Variants in GDPD4 observed in about 807,000 individuals in gnomAD.
GDPD4 encodes glycerophosphodiester phosphodiesterase domain containing 4, also known as glycerophosphodiester phosphodiesterase 6.
Under a neutral mutation model 67.8 loss-of-function variants are expected in GDPD4, and 60 were observed. That is an observed-to-expected ratio of 0.88 (90% CI 0.72 to 1.10). The LOEUF is 1.10. GDPD4 is among the 50% of genes least tolerant of loss of function. GDPD4 has a pLI of 0.00. For synonymous variants in GDPD4, 212 were observed against 210.9 expected, an observed-to-expected ratio of 1.00 and a Z score of -0.04; for missense variants, 623 against 613.9, an observed-to-expected ratio of 1.01 and a Z score of -0.16.
chr11:77,243,009 C>T (rs1958702723), intron 13 of GDPD4, among the ~76,000 whole-genome samples: 1 of 151,958 alleles, frequency 6.6e-6, no homozygotes, highest in African/African-American at 2.4e-5. Flanking sequence ...CTCTGTCCCT[C>T]CCCAAGGAAG....
chr11:77,268,466 A>G lies in GDPD4; in HGVS notation c.698T>C (p.Ile233Thr), dbSNP rs143383034. Residue 233 changes from isoleucine (I) to threonine (T), a missense_variant, in exon 10 of 17, where the codon ATA becomes ACA. Ile to Thr is a moderately conservative substitution (Grantham distance 89). Transcript: ENST00000315938. ...EHGAHGLETD[I>T]HLSYDHVPFL... is the part of the protein sequence containing the mutation. The stretch of plus-strand genomic sequence containing the variant: ...TTCCCTGCTTTCTTACCTTAAGTGT[A>G]TATCAGTCTCCAATCCATGGGCTCC... 2.4e-3 allele frequency: 3,834 copies of G among 1,609,028 alleles called. 7 individuals carry two copies. The highest frequency in any genetic ancestry group is 3.0e-3 in the Non-Finnish European group (3,508 of 1,175,612).
At chr11:77,220,082 G>A (rs1467219520) in intron 16 of GDPD4, among the ~76,000 whole-genome samples, 3 of 152,186 alleles carry the variant, frequency 2.0e-5, no homozygotes, top group African/African-American at 4.8e-5. Context: ...TGCAGAAGTT[G>A]CTGATCAGCT....
At chr11:77,285,547 GCAAT>G (rs1959959240) in intron 2 of GDPD4, among the ~76,000 whole-genome samples, 2 of 152,126 alleles carry the variant, frequency 1.3e-5, no homozygotes, top group Admixed American at 1.3e-4. Context: ...GTTTTGTTCA[GCAAT>G]TAATTTATTG....
At chr11:77,231,784 T>C (rs950078597) in intron 14 of GDPD4, among the ~76,000 whole-genome samples, 2 of 152,146 alleles carry the variant, frequency 1.3e-5, no homozygotes, top group African/African-American at 4.8e-5. Flanking sequence ...TTTAAAATGT[T>C]AGAAAAACAC....
rs115284730 is a variant in GDPD4 at position 77,269,500 on chromosome 11, G to A, written c.478+383C>T. On this transcript the variant is annotated intron_variant, in intron 8 of 16. Coordinates refer to ENST00000315938, the MANE Select transcript of GDPD4 (RefSeq NM_182833.3). ...AGTATAGTGGAAAGGGCACTAATTG[G>A]CAGAAATCTGGGTTTAAAGCCAAGT... Among the ~76,000 whole-genome samples the A allele has an allele frequency of 3.1e-3, 472 of 152,182 alleles. 4 individuals are homozygous for A. Among genetic ancestry groups the A allele is most frequent in the African/African-American group, 0.011 (451 of 41,520 alleles).
chr11:77,267,521 T>A (rs1430979773), intron 10 of GDPD4, among the ~76,000 whole-genome samples: 1 of 152,242 alleles, frequency 6.6e-6, no homozygotes, highest in Non-Finnish European at 1.5e-5. Flanking sequence ...TAGTATTAGT[T>A]TTAATTTGCA....
At chr11:77,256,446 A>T (rs148842196) in intron 11 of GDPD4, among the ~76,000 whole-genome samples, 26 of 152,338 alleles carry the variant, frequency 1.7e-4, no homozygotes, top group African/African-American at 4.1e-4. Flanking sequence ...ATGAGGACAA[A>T]TATTCTGAGT....
At position 77,216,723 on chromosome 11, in the gene GDPD4, A is replaced by C. The variant is rs946386101; in HGVS notation, c.*554T>G. The C allele has an allele frequency of 1.7e-6, 1 of 586,928 alleles. No homozygotes were observed. The highest frequency in any genetic ancestry group is 3.0e-6 in the Non-Finnish European group (1 of 330,576). The allele number at this position is 586,928 out of a possible 1,614,324, so 36.4% of individuals were successfully genotyped here. ...GATGCATTCTTGATAGCGAGAGCAC[A>C]ATGGTTCCCCTGAGAGCCTCCGTGG... On this transcript the variant is annotated 3_prime_UTR_variant, in exon 17 of 17. Coordinates refer to ENST00000315938, the MANE Select transcript of GDPD4 (RefSeq NM_182833.3).
At chr11:77,279,263 G>C (rs1315392294) in intron 4 of GDPD4, 43 bp downstream of exon 4, 3 of 1,267,834 alleles carry the variant, frequency 2.4e-6, no homozygotes, top group East Asian at 4.6e-5. Flanking sequence ...ACCTCATCAG[G>C]CTACTCAGGA....
At chr11:77,278,382 A>C (rs1226921392) in intron 4 of GDPD4, among the ~76,000 whole-genome samples, 1 of 152,160 alleles carries the variant, frequency 6.6e-6, no homozygotes, top group African/African-American at 2.4e-5. Flanking sequence ...CTTCCTCATT[A>C]CCATATCTAT....
intron 10 of GDPD4, among the ~76,000 whole-genome samples, chr11:77,264,787 T>C (rs532117873): frequency 6.6e-6 from 1 of 152,230 alleles, no homozygotes; most frequent in South Asian, 2.1e-4. Flanking sequence ...CCCTAAAATA[T>C]GACGGCAGGA....
chr11:77,244,327 C>G (rs2135843968), intron 12 of GDPD4, among the ~76,000 whole-genome samples: 1 of 152,294 alleles, frequency 6.6e-6, no homozygotes, highest in South Asian at 2.1e-4. Context: ...CCACCGCGCC[C>G]AGCCCTGGGC....
chr11:77,233,290 TC>T, intron 13 of GDPD4, 118 bp from the exon 14 acceptor site: 2 of 878,468 alleles, frequency 2.3e-6, no homozygotes, highest in Non-Finnish European at 3.6e-6. Flanking sequence ...AAGCAGCTGA[TC>T]CAGGGACAAT....
At chr11:77,229,787 T>G (rs1328203121) in intron 14 of GDPD4, among the ~76,000 whole-genome samples, 1 of 152,202 alleles carries the variant, frequency 6.6e-6, no homozygotes, top group East Asian at 1.9e-4. Context: ...TAATTAAGAA[T>G]GCTGAAGTAC....
At position 77,227,907 on chromosome 11, in the gene GDPD4, C is replaced by G. The variant is rs1179752882; in HGVS notation, c.1482G>C (p.Glu494Asp). The part of the protein sequence containing the change: ...VAIFCFHWRR[E>D]TEKEKLFETS... ...TTTCAAACAATTTTTCTTTTTCAGT[C>G]TCTCTCCGCCTAGAAGGAAGCAGAC... is the stretch of plus-strand genomic sequence containing the variant. The change falls in exon 16 of 17, where the codon GAG becomes GAC. Residue 494 changes from glutamate to aspartate, a missense_variant. Physicochemically the swap from Glu to Asp is conservative, Grantham distance 45 (BLOSUM62 2). Transcript: ENST00000315938. 1 of 1,612,428 alleles carries G rather than the reference C, an allele frequency of 6.2e-7. No homozygotes were observed. Among genetic ancestry groups the G allele is most frequent in the Non-Finnish European group, 8.5e-7 (1 of 1,178,510 alleles).
At chr11:77,275,986 G>A (rs775156675) in intron 5 of GDPD4, among the ~76,000 whole-genome samples, 175 bp downstream of exon 5, 15 of 152,152 alleles carry the variant, frequency 9.9e-5, no homozygotes, top group Non-Finnish European at 1.9e-4. Context: ...CAGTTGCAAC[G>A]TTAGAAATTT....
Position 77,263,167 on chromosome 11 carries a change from A to G in GDPD4, c.708-4625T>C, listed in dbSNP as rs1488301997. Among the ~76,000 whole-genome samples, 3 of 148,682 alleles carry G rather than the reference A, an allele frequency of 2.0e-5. No homozygotes were observed. In the East Asian group the frequency reaches 6.0e-4, roughly 30 times the overall value. On this transcript the variant is annotated intron_variant, in intron 10 of 16. Transcript: ENST00000315938. ...AAAAAGGAAATTGATACAATTTGAA[A>G]CTTGGATCTACACAAAAGAATAGTG...
At chr11:77,248,967 A>G (rs1028953736) in intron 11 of GDPD4, among the ~76,000 whole-genome samples, 3 of 148,458 alleles carry the variant, frequency 2.0e-5, no homozygotes, top group Non-Finnish European at 4.4e-5. Flanking sequence ...CCTCTCCCCT[A>G]TAAATTTAAA....
At chr11:77,230,845 G>C (rs1396970114) in intron 14 of GDPD4, among the ~76,000 whole-genome samples, 2 of 152,152 alleles carry the variant, frequency 1.3e-5, no homozygotes, top group African/African-American at 4.8e-5. Flanking sequence ...TTGGCCAGGT[G>C]ATTTTCCTTG....
Sources: allele counts gnomAD v4.1 joint callset (sites outside exome capture counted in the v4.1 genomes callset), GRCh38; gene constraint gnomAD v4.1.1; transcripts MANE v1.5; gene names NCBI Gene and HGNC (gene_info 2026-07-23, HGNC 2026-07-21).